Variants in EPHA6 observed in about 807,000 individuals in gnomAD.
The protein encoded by EPHA6 is ephrin type-A receptor 6.
In EPHA6, 50 loss-of-function variants were observed where a neutral mutation model predicts 112.0. The observed-to-expected ratio is 0.45, with a 90% CI of 0.36 to 0.56. The LOEUF is 0.56. EPHA6 is among the 20% of genes least tolerant of loss of function. The probability of loss-of-function intolerance (pLI) is 0.00; values close to 1 mark genes in which losing one functional copy is unlikely to be tolerated. For synonymous variants in EPHA6, 529 were observed against 490.7 expected, an observed-to-expected ratio of 1.08 and a Z score of -1.03; for missense variants, 1,280 against 1,417.4, an observed-to-expected ratio of 0.90 and a Z score of 1.56.
intron 5 of EPHA6, among the ~76,000 whole-genome samples, chr3:97,256,462 G>A (rs1490247126): frequency 3.9e-5 from 6 of 151,902 alleles, no homozygotes; most frequent in Non-Finnish European, 8.8e-5. Context: ...AATCATTGTT[G>A]CCTATTGATT....
chr3:97,663,707 G>T (rs1389525176), intron 14 of EPHA6, among the ~76,000 whole-genome samples: 2 of 151,964 alleles, frequency 1.3e-5, no homozygotes, highest in Non-Finnish European at 2.9e-5. Flanking sequence ...GTGTATATGT[G>T]CCACATTTTC....
intron 3 of EPHA6, among the ~76,000 whole-genome samples, chr3:96,991,719 A>G (rs944428901): frequency 1.1e-4 from 17 of 152,188 alleles, no homozygotes; most frequent in South Asian, 8.3e-4. Flanking sequence ...TTGAAGTCCA[A>G]TATAGCATGT....
intron 14 of EPHA6, among the ~76,000 whole-genome samples, chr3:97,684,281 A>G (rs1197440092): frequency 6.6e-6 from 1 of 152,210 alleles, no homozygotes; most frequent in African/African-American, 2.4e-5. Context: ...AAAAGAAGCA[A>G]ATTTACAGTG....
intron 2 of EPHA6, among the ~76,000 whole-genome samples, chr3:96,918,604 T>C (rs1055765732): frequency 2.2e-4 from 33 of 152,100 alleles, no homozygotes; most frequent in African/African-American, 8.0e-4. Context: ...TTTTTGAAAT[T>C]GAGTTTTAAT....
chr3:97,133,785 C>T (rs2075698065), intron 3 of EPHA6, among the ~76,000 whole-genome samples: 1 of 151,626 alleles, frequency 6.6e-6, no homozygotes, highest in Non-Finnish European at 1.5e-5. Flanking sequence ...CATATGAATC[C>T]CTATACCACC....
At chr3:97,058,452 C>A (rs1392920670) in intron 3 of EPHA6, among the ~76,000 whole-genome samples, 6 of 152,024 alleles carry the variant, frequency 3.9e-5, no homozygotes, top group Non-Finnish European at 8.8e-5. Context: ...CAGGCACCAC[C>A]CTCCGGCCCC....
intron 1 of EPHA6, among the ~76,000 whole-genome samples, chr3:96,863,568 T>C (rs753254838): frequency 6.6e-5 from 10 of 151,986 alleles, no homozygotes; most frequent in Non-Finnish European, 1.2e-4. Context: ...AGCAGTTAGG[T>C]CAATCTTGTT....
At chr3:97,185,136 A>T (rs953177543) in intron 3 of EPHA6, among the ~76,000 whole-genome samples, 1 of 152,208 alleles carries the variant, frequency 6.6e-6, no homozygotes, top group African/African-American at 2.4e-5. Flanking sequence ...AGGCAATACC[A>T]TTCAGGACAT....
intron 14 of EPHA6, among the ~76,000 whole-genome samples, chr3:97,664,648 T>A (rs959691260): frequency 3.9e-5 from 6 of 152,136 alleles, no homozygotes; most frequent in African/African-American, 1.4e-4. Flanking sequence ...TCAATGTGCA[T>A]AAATCACAAT....
At chr3:97,464,525 T>C (rs1215751923) in intron 7 of EPHA6, among the ~76,000 whole-genome samples, 1 of 152,074 alleles carries the variant, frequency 6.6e-6, no homozygotes, top group Non-Finnish European at 1.5e-5. Context: ...AACCTCTCCA[T>C]GTTTATGCTA....
intron 5 of EPHA6, among the ~76,000 whole-genome samples, chr3:97,385,692 AC>A (rs1025843716): frequency 2.6e-5 from 4 of 152,190 alleles, no homozygotes; most frequent in Non-Finnish European, 5.9e-5. Flanking sequence ...TAATATGCCC[AC>A]AGTTCTGTGG....
chr3:97,666,029 C>T (rs1474911506), intron 14 of EPHA6, among the ~76,000 whole-genome samples: 1 of 142,708 alleles, frequency 7.0e-6, no homozygotes, highest in Non-Finnish European at 1.5e-5. Context: ...TACACTCCAG[C>T]TGGGGAGACA....
chr3:97,258,314 C>T (rs564221914), intron 5 of EPHA6, among the ~76,000 whole-genome samples: 47 of 151,944 alleles, frequency 3.1e-4, no homozygotes, highest in African/African-American at 1.1e-3. Context: ...CACAGAGTAT[C>T]TGTTATACTC....
At chr3:96,875,939 A>C (rs1226127176) in intron 2 of EPHA6, among the ~76,000 whole-genome samples, 6 of 151,462 alleles carry the variant, frequency 4.0e-5, no homozygotes, top group Non-Finnish European at 8.8e-5. Context: ...TTTAAAATAA[A>C]TTCCTATATT....
Position 97,756,331 on chromosome 3 carries a change from T to A in EPHA6, c.*7630T>A, listed in dbSNP as rs549826735. On this transcript the variant is annotated 3_prime_UTR_variant, in exon 18 of 18. Transcript: ENST00000389672. ...TAACTGAACAAGCTATTTTTTTCTG[T>A]CAATGTGATTGATATGCTCATTGTT... Among the ~76,000 whole-genome samples, 6 of 152,098 alleles carry A rather than the reference T, an allele frequency of 3.9e-5. No individual in the cohort carries two copies. The South Asian group carries it at 1.0e-3, about 26-fold the overall frequency.
intron 13 of EPHA6, among the ~76,000 whole-genome samples, chr3:97,632,596 G>A (rs2093912893): frequency 6.6e-6 from 1 of 151,900 alleles, no homozygotes; most frequent in Non-Finnish European, 1.5e-5. Context: ...ATTCAGCAAG[G>A]GCCTCCTGGA....
intron 11 of EPHA6, among the ~76,000 whole-genome samples, chr3:97,575,732 AT>A (rs1248145359): frequency 6.6e-6 from 1 of 152,192 alleles, no homozygotes; most frequent in Non-Finnish European, 1.5e-5. Flanking sequence ...GCACATTCGC[AT>A]TTTAGAAATA....
At chr3:97,028,087 A>G (rs1436258591) in intron 3 of EPHA6, among the ~76,000 whole-genome samples, 2 of 152,156 alleles carry the variant, frequency 1.3e-5, no homozygotes, top group African/African-American at 4.8e-5. Context: ...AAAGTGGGAA[A>G]TAAAAGCATG....
intron 2 of EPHA6, among the ~76,000 whole-genome samples, chr3:96,982,133 T>C (rs566183132): frequency 6.6e-6 from 1 of 152,320 alleles, no homozygotes; most frequent in East Asian, 1.9e-4. Context: ...TCTAGTTCTT[T>C]TAATTGTGAT....
Sources: allele counts gnomAD v4.1 joint callset (sites outside exome capture counted in the v4.1 genomes callset), GRCh38; gene constraint gnomAD v4.1.1; transcripts MANE v1.5; gene names NCBI Gene and HGNC (gene_info 2026-07-23, HGNC 2026-07-21).